Variants in TENM4 observed in about 807,000 individuals in gnomAD.
TENM4 encodes the protein teneurin-4.
TENM4 carries 82 observed loss-of-function variants against 243.3 expected under a neutral mutation model. The ratio of observed to expected loss-of-function variants is 0.34; its 90% CI spans 0.28 to 0.40. The LOEUF (loss-of-function observed/expected upper bound fraction) is 0.40, where lower values mean the gene tolerates loss of function less well. Among genes scored for constraint, TENM4 ranks in the 10% least tolerant of loss-of-function variants. The pLI, the probability that TENM4 is intolerant of heterozygous loss-of-function variation, is 1.00. For missense variants in TENM4, 3,138 were observed against 3,673.3 expected, an observed-to-expected ratio of 0.85 and a Z score of 3.77; for synonymous variants, 1,412 against 1,456.3, an observed-to-expected ratio of 0.97 and a Z score of 0.69.
Position 79,243,978 on chromosome 11 carries a change from A to T in TENM4, c.-264-28069T>A, listed in dbSNP as rs374865588. 1.6e-3 allele frequency among the ~76,000 whole-genome samples: 247 copies of T among 152,278 alleles called. 1 individual carries two copies. The highest frequency in any genetic ancestry group is 5.5e-3 in the African/African-American group (227 of 41,566). ...CAGCAGGCCTTGGGTGGAGCCTGAGAGTGCATTTCCAACAAGCTCCCGTGA... is the reference window on the plus strand; with the variant it reads ...CAGCAGGCCTTGGGTGGAGCCTGAGTGTGCATTTCCAACAAGCTCCCGTGA... On this transcript the variant is annotated intron_variant, in intron 2 of 33. Coordinates refer to ENST00000278550, the MANE Select transcript of TENM4 (RefSeq NM_001098816.3).
chr11:79,175,869 G>A (rs1289300794), intron 3 of TENM4, among the ~76,000 whole-genome samples: 6 of 152,180 alleles, frequency 3.9e-5, no homozygotes, highest in African/African-American at 1.2e-4. Flanking sequence ...AAGATCACTT[G>A]AGCCCAGGAG....
At chr11:78,939,174 A>G (rs984023409) in intron 6 of TENM4, among the ~76,000 whole-genome samples, 1 of 152,112 alleles carries the variant, frequency 6.6e-6, no homozygotes, top group African/African-American at 2.4e-5. Flanking sequence ...GCTGGAACGG[A>G]GATGAATTTT....
rs1249931088 is a variant in TENM4 at position 79,069,778 on chromosome 11, T to C, written c.167A>G (p.Tyr56Cys). Residue 56 changes from tyrosine (Y) to cysteine (C), a missense_variant, in exon 5 of 34, where the codon TAT (tyrosine) becomes TGT (cysteine). By Grantham distance (194) the Tyr-to-Cys change is radical (BLOSUM62 -2). Transcript: ENST00000278550. ...KAYDQDARLA[Y>C]GSRVKDIVPQ... ...CACAATGTCCTTGACGCGGCTGCCA[T>C]AGGCTAGGCGGGCGTCCTGGTCGTA... The C allele has an allele frequency of 1.3e-6, 2 of 1,551,318 alleles. No individual in the cohort carries two copies. The highest frequency in any genetic ancestry group is 1.2e-5 in the South Asian group (1 of 84,064).
intron 6 of TENM4, among the ~76,000 whole-genome samples, chr11:78,994,580 A>C (rs1858125605): frequency 6.6e-6 from 1 of 152,232 alleles, no homozygotes; most frequent in Admixed American, 6.5e-5. Context: ...AAAATCAGAA[A>C]ATAGTAATTT....
At chr11:78,813,459 T>C (rs17137207) in intron 13 of TENM4, among the ~76,000 whole-genome samples, 4,308 of 152,322 alleles carry the variant, frequency 0.028, 114 homozygotes, top group African/African-American at 0.06. Flanking sequence ...TCTATTTACT[T>C]GTCTGTCTCT....
At chr11:79,040,589 T>C (rs529924677) in intron 6 of TENM4, among the ~76,000 whole-genome samples, 1 of 152,228 alleles carries the variant, frequency 6.6e-6, no homozygotes, top group South Asian at 2.1e-4. Context: ...AGAGAAAACA[T>C]CAACCCAAGC....
chr11:79,338,678 G>A (rs1406543122), intron 1 of TENM4, among the ~76,000 whole-genome samples: 3 of 152,206 alleles, frequency 2.0e-5, no homozygotes, highest in Non-Finnish European at 4.4e-5. Context: ...GTTCTGGAAT[G>A]CAGCCTAGGG....
At chr11:79,146,028 G>A (rs1862389643) in intron 4 of TENM4, among the ~76,000 whole-genome samples, 1 of 151,968 alleles carries the variant, frequency 6.6e-6, no homozygotes, top group South Asian at 2.1e-4. Context: ...TTGGATATGA[G>A]ACCTTTGTTG....
chr11:78,980,666 C>T (rs968649265), intron 6 of TENM4, among the ~76,000 whole-genome samples: 4 of 152,186 alleles, frequency 2.6e-5, no homozygotes, highest in African/African-American at 9.7e-5. Flanking sequence ...ATCCTCGCTC[C>T]ACCACTTAGT....
intron 1 of TENM4, among the ~76,000 whole-genome samples, chr11:79,341,771 C>T (rs1478908757): frequency 6.6e-6 from 1 of 152,194 alleles, no homozygotes; most frequent in Non-Finnish European, 1.5e-5. Flanking sequence ...TTTCATCAAA[C>T]TAGATTATTT....
At chr11:79,124,651 G>A (rs1276785009) in intron 4 of TENM4, among the ~76,000 whole-genome samples, 1 of 147,562 alleles carries the variant, frequency 6.8e-6, no homozygotes, top group Non-Finnish European at 1.5e-5. Context: ...ATATATGTGT[G>A]TGTGTGTGTG....
In TENM4 at chr11:79,090,958, G is replaced by T. The variant is rs573053655; in HGVS notation, c.-65-20949C>A. Among the ~76,000 whole-genome samples the T allele has an allele frequency of 2.6e-3, 391 of 152,322 alleles. 2 individuals carry two copies. The highest frequency in any genetic ancestry group is 0.01 in the Middle Eastern group (3 of 294). On this transcript the variant is annotated intron_variant, in intron 4 of 33. Transcript: ENST00000278550. The stretch of plus-strand genomic sequence containing the variant: ...GGGCTGCCTCCCTCACCCATTCTGG[G>T]GTTGTGGGGGAGTCAGGCTGGCTTT...
intron 9 of TENM4, among the ~76,000 whole-genome samples, chr11:78,875,121 C>T (rs546514986): frequency 7.2e-5 from 11 of 152,326 alleles, no homozygotes; most frequent in Non-Finnish European, 1.3e-4. Context: ...GGGTGCAAAC[C>T]GCCGCCCCAG....
At chr11:78,852,627 G>C (rs11828485) in intron 12 of TENM4, among the ~76,000 whole-genome samples, 3,391 of 152,240 alleles carry the variant, frequency 0.022, 134 homozygotes, top group African/African-American at 0.079. Context: ...AGGTTGCAGT[G>C]AGCCGTGATT....
intron 6 of TENM4, among the ~76,000 whole-genome samples, chr11:79,056,844 C>T (rs961764023): frequency 1.9e-4 from 29 of 152,292 alleles, no homozygotes; most frequent in African/African-American, 4.8e-4. Context: ...CTAAAGGACC[C>T]GGAACTGGGC....
At chr11:79,212,579 C>T (rs1863974072) in intron 3 of TENM4, among the ~76,000 whole-genome samples, 1 of 152,028 alleles carries the variant, frequency 6.6e-6, no homozygotes, top group Admixed American at 6.6e-5. Flanking sequence ...GCTAAAAGAC[C>T]CCTAATTTGA....
intron 6 of TENM4, among the ~76,000 whole-genome samples, chr11:78,965,163 C>T (rs972589566): frequency 6.6e-5 from 10 of 152,124 alleles, no homozygotes; most frequent in South Asian, 2.1e-4. Flanking sequence ...CCACCACGCC[C>T]GGCCCCTCAT....
intron 16 of TENM4, among the ~76,000 whole-genome samples, chr11:78,781,416 A>G (rs1350241958): frequency 1.3e-5 from 2 of 152,192 alleles, no homozygotes; most frequent in African/African-American, 4.8e-5. Flanking sequence ...CTCTGTGTGA[A>G]AAGCCGGAGA....
chr11:78,843,141 G>T (rs1486344596), intron 12 of TENM4, among the ~76,000 whole-genome samples: 2 of 152,138 alleles, frequency 1.3e-5, no homozygotes, highest in East Asian at 3.8e-4. Context: ...AGCTGGGCAT[G>T]GTGGTGGGCG....
Sources: gnomAD v4.1 joint callset for allele counts (sites outside exome capture counted in the v4.1 genomes callset) on GRCh38, gnomAD v4.1.1 for gene constraint, MANE v1.5 for transcripts, NCBI Gene and HGNC (gene_info 2026-07-23, HGNC 2026-07-21) for gene names.